DLC1: variants seen among roughly 807,000 people sequenced by gnomAD.
The protein encoded by DLC1 is DLC1 Rho GTPase activating protein, also known as rho GTPase-activating protein 7.
DLC1 carries 54 observed loss-of-function variants against 140.3 expected under a neutral mutation model. The ratio of observed to expected loss-of-function variants is 0.38; its 90% confidence interval spans 0.31 to 0.48. The LOEUF (loss-of-function observed/expected upper bound fraction) is 0.48. Ranked by LOEUF, DLC1 falls within the 20% of genes least tolerant of loss-of-function variation. The probability of loss-of-function intolerance (pLI) is 0.96; values close to 1 mark genes in which losing one functional copy is unlikely to be tolerated. For synonymous variants in DLC1, 986 were observed against 728.1 expected, an observed-to-expected ratio of 1.35 and a Z score of -5.70; for missense variants, 2,536 against 1,907.0, an observed-to-expected ratio of 1.33 and a Z score of -6.14.
chr8:13,521,463 T>C (rs934473253), intron 1 of DLC1, among the ~76,000 whole-genome samples: 3 of 151,874 alleles, frequency 2.0e-5, no homozygotes, highest in African/African-American at 7.3e-5. Flanking sequence ...AGTCTTCAGC[T>C]TCTCTTATAA....
intron 1 of DLC1, among the ~76,000 whole-genome samples, chr8:13,544,307 C>A (rs1160554): frequency 6.6e-6 from 1 of 151,880 alleles, no homozygotes; most frequent in East Asian, 1.9e-4. Flanking sequence ...GGTCTTGGAG[C>A]AGCCAAAATA....
chr8:13,568,690 C>G (rs1316097815), intron 1 of DLC1, among the ~76,000 whole-genome samples: 1 of 152,096 alleles, frequency 6.6e-6, no homozygotes, highest in Non-Finnish European at 1.5e-5. Flanking sequence ...AAAAAGTTAT[C>G]AAGTGGATCA....
At chr8:13,119,754 C>T (rs547475666) in intron 5 of DLC1, among the ~76,000 whole-genome samples, 1 of 151,910 alleles carries the variant, frequency 6.6e-6, no homozygotes, top group Non-Finnish European at 1.5e-5. Context: ...GAGTTCAAGA[C>T]CACTCTGGGC....
intron 3 of DLC1, among the ~76,000 whole-genome samples, chr8:13,398,279 C>A (rs1013608467): frequency 8.6e-5 from 6 of 70,036 alleles, no homozygotes; most frequent in African/African-American, 2.7e-4. Context: ...GAAAAAGGAA[C>A]AATTAACTCT....
chr8:13,503,734 A>T (rs756325977), intron 1 of DLC1, among the ~76,000 whole-genome samples: 7 of 152,212 alleles, frequency 4.6e-5, no homozygotes, highest in Non-Finnish European at 7.3e-5. Context: ...GAGTGGCAGA[A>T]ACTTGTCTAA....
chr8:13,304,971 C>G (rs763381187), intron 5 of DLC1: 101 of 1,049,346 alleles, frequency 9.6e-5, no homozygotes, highest in Non-Finnish European at 1.1e-4. Context: ...AATTCATTCC[C>G]CAGAACCTTG....
chr8:13,441,423 C>G (rs1798504795), intron 2 of DLC1, among the ~76,000 whole-genome samples: 1 of 152,224 alleles, frequency 6.6e-6, no homozygotes, highest in Admixed American at 6.5e-5. Flanking sequence ...CAAACTGTCC[C>G]TGTTTGCAGA....
chr8:13,539,303 C>T (rs1206717529), intron 1 of DLC1, among the ~76,000 whole-genome samples: 2 of 152,040 alleles, frequency 1.3e-5, no homozygotes, highest in Non-Finnish European at 2.9e-5. Context: ...GAGTTCACAC[C>T]ATTCTCCTGC....
chr8:13,429,892 T>A (rs1025511015), intron 2 of DLC1, among the ~76,000 whole-genome samples: 2 of 152,236 alleles, frequency 1.3e-5, no homozygotes, highest in Admixed American at 1.3e-4. Flanking sequence ...AAAGGTTAAA[T>A]CCACATTTGT....
In DLC1 at chr8:13,326,524, C is replaced by T. The variant is rs144649905; in HGVS notation, c.1315-21222G>A. On this transcript the variant is annotated intron_variant, in intron 4 of 17. Transcript: ENST00000276297. ...ACTACTTTCCCTACCCCAACTGGAG[C>T]CAGCTTATTAAGTTGGACACCAACA... is the stretch of plus-strand genomic sequence containing the variant. Among the ~76,000 whole-genome samples, 625 of 152,280 alleles carry T rather than the reference C, an allele frequency of 4.1e-3. 5 individuals are homozygous for T. Among genetic ancestry groups the T allele is most frequent in the African/African-American group, 0.014 (585 of 41,536 alleles).
chr8:13,330,867 C>T lies in DLC1; in HGVS notation c.1315-25565G>A, dbSNP rs73562596. Among the ~76,000 whole-genome samples the T allele has an allele frequency of 1.9e-3, 283 of 152,244 alleles. 1 individual carries two copies. Among genetic ancestry groups the T allele is most frequent in the African/African-American group, 6.7e-3 (277 of 41,542 alleles). On this transcript the variant is annotated intron_variant, in intron 4 of 17. Coordinates refer to ENST00000276297, the MANE Select transcript of DLC1 (RefSeq NM_182643.3). ...TCCTTACAAGGCTCATTTTCATGAG[C>T]GTGGAAACAGGTTAGCCTTATAGGT...
At chr8:13,588,189 C>G (rs373679867) in intron 1 of DLC1, among the ~76,000 whole-genome samples, 2 of 151,928 alleles carry the variant, frequency 1.3e-5, no homozygotes, top group South Asian at 2.1e-4. Flanking sequence ...GCAGAGAAAA[C>G]AGATGAACAA....
chr8:13,427,412 A>G (rs913417167), intron 2 of DLC1, among the ~76,000 whole-genome samples: 7 of 152,140 alleles, frequency 4.6e-5, no homozygotes, highest in African/African-American at 1.4e-4. Flanking sequence ...ACCCTGCATC[A>G]TCATTCTAGT....
intron 4 of DLC1, among the ~76,000 whole-genome samples, chr8:13,323,268 T>G (rs1833199619): frequency 1.3e-5 from 2 of 152,238 alleles, no homozygotes. Context: ...ATGAGGAACT[T>G]ATGACTATAT....
chr8:13,299,212 G>A (rs1275941214), intron 5 of DLC1, among the ~76,000 whole-genome samples: 1 of 152,046 alleles, frequency 6.6e-6, no homozygotes, highest in Non-Finnish European at 1.5e-5. Context: ...GGAGGCCAAG[G>A]CGGGTGGATC....
At chr8:13,477,509 C>A (rs1800489318) in intron 2 of DLC1, among the ~76,000 whole-genome samples, 1 of 152,128 alleles carries the variant, frequency 6.6e-6, no homozygotes, top group African/African-American at 2.4e-5. Flanking sequence ...TTTAAAAATG[C>A]AGGCTGGGAA....
At chr8:13,552,832 A>G (rs1803911971) in intron 1 of DLC1, among the ~76,000 whole-genome samples, 1 of 152,028 alleles carries the variant, frequency 6.6e-6, no homozygotes, top group Non-Finnish European at 1.5e-5. Context: ...TACAAAGTCT[A>G]AGTGAAAGAA....
intron 5 of DLC1, among the ~76,000 whole-genome samples, chr8:13,179,371 C>T (rs1364129087): frequency 2.6e-5 from 4 of 151,986 alleles, no homozygotes; most frequent in African/African-American, 9.7e-5. Flanking sequence ...TTAACCCTAA[C>T]CCTAAAAATT....
intron 5 of DLC1, chr8:13,304,746 C>T (rs1832347540): frequency 1.0e-6 from 1 of 957,092 alleles, no homozygotes; most frequent in Non-Finnish European, 1.2e-6. Flanking sequence ...CAGTCCTTGT[C>T]CATTTCCCAT....
Sources: gnomAD v4.1 joint callset for allele counts (sites outside exome capture counted in the v4.1 genomes callset) on GRCh38, gnomAD v4.1.1 for gene constraint, MANE v1.5 for transcripts, NCBI Gene and HGNC (gene_info 2026-07-23, HGNC 2026-07-21) for gene names.